ANKRD12: variants seen among roughly 807,000 people sequenced by gnomAD.
The protein encoded by ANKRD12 is ankyrin repeat domain-containing protein 12.
ANKRD12 carries 85 observed loss-of-function variants against 183.4 expected under a neutral mutation model. The ratio of observed to expected loss-of-function variants is 0.46; its 90% CI spans 0.39 to 0.56. ANKRD12 has a LOEUF of 0.56. ANKRD12 is among the 20% of genes least tolerant of loss of function. The pLI is 0.00. For synonymous variants in ANKRD12, 914 were observed against 800.2 expected (o/e 1.14, Z -2.40); for missense variants, 2,405 against 2,357.1 (o/e 1.02, Z -0.42).
At position 9,255,936 on chromosome 18, in the gene ANKRD12, ATAC is replaced by A. The variant is rs763359988; in HGVS notation, c.2671_2673del (p.Thr891del). The A allele has an allele frequency of 1.9e-6, 3 of 1,586,924 alleles. No homozygotes were observed. The highest frequency in any genetic ancestry group is 2.3e-5 in the East Asian group (1 of 44,386). On this transcript the variant is annotated inframe_deletion, in exon 9 of 13. Coordinates refer to ENST00000262126, the MANE Select transcript of ANKRD12 (RefSeq NM_015208.5). ...CATAAAGAAGGTGAGAAGAGCAAAA[ATAC>A]TGCTGCTATTAAAAAAACTGACGAC...
At chr18:9,208,622 G>A in intron 4 of ANKRD12, 35 bp from the exon 5 acceptor site, 1 of 1,573,536 alleles carries the variant, frequency 6.4e-7, no homozygotes, top group Non-Finnish European at 8.6e-7. Context: ...ACTTGGATTT[G>A]TTTCAAATTC....
chr18:9,261,625 T>G (rs1269407707), intron 9 of ANKRD12, among the ~76,000 whole-genome samples: 1 of 152,180 alleles, frequency 6.6e-6, no homozygotes, highest in Non-Finnish European at 1.5e-5. Flanking sequence ...TTTGACAAAA[T>G]GGTGTGAAAT....
chr18:9,247,977 G>C (rs987978237), intron 8 of ANKRD12, among the ~76,000 whole-genome samples: 1 of 152,098 alleles, frequency 6.6e-6, no homozygotes, highest in African/African-American at 2.4e-5. Context: ...AGTAGAGACA[G>C]CGTTTCACCA....
intron 1 of ANKRD12, among the ~76,000 whole-genome samples, chr18:9,145,112 TA>T (rs1356562594): frequency 2.0e-5 from 3 of 152,148 alleles, no homozygotes; most frequent in Non-Finnish European, 4.4e-5. Flanking sequence ...ATCATAGATA[TA>T]ATGAAGTTTT....
intron 2 of ANKRD12, among the ~76,000 whole-genome samples, chr18:9,186,826 A>C (rs2034105453): frequency 7.1e-6 from 1 of 140,330 alleles, no homozygotes. Flanking sequence ...ATCTCAGCTC[A>C]CTGCAAGCTC....
intron 1 of ANKRD12, among the ~76,000 whole-genome samples, chr18:9,169,541 CTTTT>C (rs941988924): frequency 5.9e-5 from 9 of 151,992 alleles, no homozygotes; most frequent in African/African-American, 2.2e-4. Flanking sequence ...CAACCCCTGC[CTTTT>C]TTTGTTTTCC....
chr18:9,234,256 G>A (rs2037217826), intron 8 of ANKRD12, among the ~76,000 whole-genome samples: 1 of 152,176 alleles, frequency 6.6e-6, no homozygotes, highest in African/African-American at 2.4e-5. Context: ...AGCAACAGCT[G>A]TGCCTGCAAT....
Position 9,258,622 on chromosome 18 carries a change from G to A in ANKRD12, c.5355G>A (p.Arg1785=). 1 of 1,613,858 alleles carries A rather than the reference G, an allele frequency of 6.2e-7. No homozygotes were observed. Among genetic ancestry groups the A allele is most frequent in the Non-Finnish European group, 8.5e-7 (1 of 1,179,900 alleles). ...ACGATCCTCAAATTCACCATCCACG[G>A]AAAAGGAAAGTGTCACGTGTACCTC... ...EDDDPQIHHP[R]KRKVSRVPQP... is the part of the protein sequence containing the mutation. Residue 1785 remains arginine (R), a synonymous_variant, in exon 9 of 13, where the codon CGG becomes CGA. Transcript: ENST00000262126.
At chr18:9,146,312 C>T (rs1186141832) in intron 1 of ANKRD12, among the ~76,000 whole-genome samples, 2 of 152,114 alleles carry the variant, frequency 1.3e-5, no homozygotes, top group Non-Finnish European at 2.9e-5. Flanking sequence ...CCTGTAATTC[C>T]AGCTACTCCA....
rs369087314 is a variant in ANKRD12, at chr18:9,258,843, A to G, written c.5576A>G (p.Gln1859Arg). The change falls in exon 9 of 13, where the codon CAA becomes CGA. Residue 1859 changes from glutamine (Q) to arginine (R), a missense_variant. This residue lies in a region of ANKRD12 where 162 missense variants were observed against 272.2 expected (regional missense o/e 0.60). Transcript: ENST00000262126. ...KRKLLCSVIP[Q>R]APQYYDEYVT... ...AAATTACTGTGTAGTGTGATTCCTC[A>G]AGCACCTCAGTACTATGACGAATAT... The G allele has an allele frequency of 7.4e-6, 12 of 1,613,830 alleles. No individual in the cohort carries two copies. In the African/African-American group the frequency reaches 1.6e-4, roughly 22 times the overall value.
At chr18:9,158,155 G>A (rs887133042) in intron 1 of ANKRD12, among the ~76,000 whole-genome samples, 1 of 151,944 alleles carries the variant, frequency 6.6e-6, no homozygotes, top group Non-Finnish European at 1.5e-5. Context: ...GGTTTTAGAT[G>A]TACAGAAAAA....
chr18:9,257,541 G>C lies in ANKRD12; in HGVS notation c.4274G>C (p.Arg1425Thr). The C allele has an allele frequency of 6.2e-7, 1 of 1,614,076 alleles. No homozygotes were observed. Among genetic ancestry groups the C allele is most frequent in the East Asian group, 2.2e-5 (1 of 44,888 alleles). The change falls in exon 9 of 13, where the codon AGA becomes ACA. Residue 1425 changes from arginine to threonine, a missense_variant. By Grantham distance (71) the Arg-to-Thr change is moderately conservative. Transcript: ENST00000262126. Reference protein sequence around the residue: ...QNKSWEMPVDRLETLSTRDFI... With the variant: ...QNKSWEMPVDTLETLSTRDFI... ...AAATCATGGGAGATGCCTGTTGATA[G>C]ACTAGAGACATTAAGCACCAGAGAC... is the stretch of plus-strand genomic sequence containing the variant.
intron 2 of ANKRD12, among the ~76,000 whole-genome samples, chr18:9,186,750 C>CTTTTT (rs759387137): frequency 1.7e-5 from 2 of 117,248 alleles, no homozygotes; most frequent in African/African-American, 3.3e-5. Context: ...CTTTGATTGT[C>CTTTTT]TTTTTTTTTT....
chr18:9,273,487 AGTGCTG>A (rs2039698431), intron 10 of ANKRD12, among the ~76,000 whole-genome samples: 1 of 152,212 alleles, frequency 6.6e-6, no homozygotes, highest in Non-Finnish European at 1.5e-5. Context: ...ATATGTAACA[AGTGCTG>A]GTGAGGATGT....
In ANKRD12 at chr18:9,234,771, G is replaced by C. The variant is rs1000728513; in HGVS notation, c.943+12772G>C. Among the ~76,000 whole-genome samples the C allele has an allele frequency of 2.0e-5, 3 of 152,154 alleles. No homozygotes were observed. The South Asian group carries it at 6.2e-4, about 32-fold the overall frequency. ...TGACCCAGTGCAAGTTCCCTGTCTG[G>C]TGCAATGCTTGTGCAGGGTCTCCAA... On this transcript the variant is annotated intron_variant, in intron 8 of 12. Coordinates refer to ENST00000262126, the MANE Select transcript of ANKRD12 (RefSeq NM_015208.5).
rs529583036 is a variant in ANKRD12, at chr18:9,222,499, T to A, written c.943+500T>A. 7.9e-5 allele frequency among the ~76,000 whole-genome samples: 12 copies of A among 152,000 alleles called. No homozygotes were observed. In the South Asian group the frequency reaches 2.3e-3, roughly 29 times the overall value. On this transcript the variant is annotated intron_variant, in intron 8 of 12. Coordinates refer to ENST00000262126, the MANE Select transcript of ANKRD12 (RefSeq NM_015208.5). ...TTTTTTTTTAAACACAATTTTTTTT[T>A]AAAGATAACAAAAAAACATTTACTG... is the stretch of plus-strand genomic sequence containing the variant.
chr18:9,142,368 G>A (rs1338471619), intron 1 of ANKRD12, among the ~76,000 whole-genome samples: 1 of 152,162 alleles, frequency 6.6e-6, no homozygotes, highest in East Asian at 1.9e-4. Context: ...CTGAGCCATG[G>A]ATTGAATCCA....
chr18:9,170,903 T>G (rs2032646278), intron 1 of ANKRD12, among the ~76,000 whole-genome samples: 1 of 152,190 alleles, frequency 6.6e-6, no homozygotes, highest in South Asian at 2.1e-4. Context: ...TCCTTTCTGT[T>G]TGTTAGTTTT....
chr18:9,257,837 CA>C lies in ANKRD12; in HGVS notation c.4577del (p.Asn1526MetfsTer10), dbSNP rs768306357. The C allele has an allele frequency of 1.9e-6, 3 of 1,611,006 alleles. No homozygotes were observed. The highest frequency in any genetic ancestry group is 2.5e-6 in the Non-Finnish European group (3 of 1,179,208). ...TAATCAAGAGCCAGGTATTTTACAA[CA>C]AAAAAATGCAGTTCAGATTATTAGT... Reference protein sequence around the residue: ...VANQEPGILQQKNAVQIISSA... With the variant: ...VANQEPGILQXKNAVQIISSA... On this transcript the variant is annotated frameshift_variant, in exon 9 of 13. Coordinates refer to ENST00000262126, the MANE Select transcript of ANKRD12 (RefSeq NM_015208.5). LOFTEE classifies it high-confidence loss of function.
Sources: allele counts gnomAD v4.1 joint callset (sites outside exome capture counted in the v4.1 genomes callset), GRCh38; gene constraint gnomAD v4.1.1; regional missense constraint gnomAD v4.1.1; transcripts MANE v1.5; gene names NCBI Gene and HGNC (gene_info 2026-07-23, HGNC 2026-07-21).